The following MDGA2 variants were observed in gnomAD, a reference collection of about 807,000 sequenced individuals.
MDGA2 encodes MAM domain containing glycosylphosphatidylinositol anchor 2, also known as MAM domain-containing glycosylphosphatidylinositol anchor protein 2.
In MDGA2, 40 loss-of-function variants were observed where a neutral mutation model predicts 117.8. The ratio of observed to expected loss-of-function variants is 0.34; its 90% CI spans 0.26 to 0.44. The LOEUF (loss-of-function observed/expected upper bound fraction) is 0.44. Among genes scored for constraint, MDGA2 ranks in the 20% least tolerant of loss-of-function variants. The probability of loss-of-function intolerance (pLI) is 1.00; values close to 1 mark genes in which losing one functional copy is unlikely to be tolerated. For missense variants in MDGA2, 1,123 were observed against 1,250.6 expected, an observed-to-expected ratio of 0.90 and a Z score of 1.54; for synonymous variants, 452 against 439.0, an observed-to-expected ratio of 1.03 and a Z score of -0.37.
chr14:47,468,793 C>T (rs1893657054), intron 1 of MDGA2, among the ~76,000 whole-genome samples: 1 of 152,068 alleles, frequency 6.6e-6, no homozygotes, highest in African/African-American at 2.4e-5. Context: ...ATGCCAGGTG[C>T]ATTGCTTTTC....
chr14:47,256,463 T>C (rs887768580), intron 2 of MDGA2, among the ~76,000 whole-genome samples: 6 of 152,176 alleles, frequency 3.9e-5, no homozygotes, highest in Non-Finnish European at 8.8e-5. Context: ...TCTGCCTACA[T>C]TTCTCTGGTC....
intron 1 of MDGA2, among the ~76,000 whole-genome samples, chr14:47,584,151 G>A (rs1896278716): frequency 6.6e-6 from 1 of 151,762 alleles, no homozygotes; most frequent in African/African-American, 2.4e-5. Context: ...GTGATTCCAT[G>A]AAATTTGTTA....
chr14:47,182,844 G>T (rs903283450), intron 3 of MDGA2, among the ~76,000 whole-genome samples: 3 of 151,948 alleles, frequency 2.0e-5, no homozygotes, highest in South Asian at 2.1e-4. Context: ...GCTTTTTTGG[G>T]TTTTTTTGGG....
chr14:47,221,205 A>C (rs1426337167), intron 2 of MDGA2, among the ~76,000 whole-genome samples: 1 of 152,222 alleles, frequency 6.6e-6, no homozygotes, highest in African/African-American at 2.4e-5. Flanking sequence ...TGCAAAGCAG[A>C]GGTAACATTG....
chr14:47,141,713 TAGAG>T (rs149570542), intron 4 of MDGA2, among the ~76,000 whole-genome samples: 28,141 of 151,936 alleles, frequency 0.19, 2,802 homozygotes, highest in East Asian at 0.31. Context: ...TAGCAGTGGT[TAGAG>T]AGAGGGAGGT....
At chr14:46,848,162 A>C (rs1410092150) in intron 15 of MDGA2, among the ~76,000 whole-genome samples, 1 of 152,070 alleles carries the variant, frequency 6.6e-6, no homozygotes, top group Non-Finnish European at 1.5e-5. Flanking sequence ...AAATTTACAC[A>C]GATAAAGCTG....
intron 1 of MDGA2, among the ~76,000 whole-genome samples, chr14:47,658,578 C>A (rs934679755): frequency 2.0e-5 from 3 of 152,066 alleles, no homozygotes; most frequent in African/African-American, 7.2e-5. Flanking sequence ...TCCTGGAGGG[C>A]CAGTTCTCAA....
At chr14:47,596,870 G>C (rs1896552919) in intron 1 of MDGA2, among the ~76,000 whole-genome samples, 1 of 152,164 alleles carries the variant, frequency 6.6e-6, no homozygotes, top group South Asian at 2.1e-4. Context: ...AAATTAGTAA[G>C]TCATGGAGTC....
In MDGA2 at chr14:46,845,880, AT is replaced by A; in HGVS notation, c.2884-10del. 1 of 1,595,442 alleles carries A rather than the reference AT, an allele frequency of 6.3e-7. No homozygotes were observed. The highest frequency in any genetic ancestry group is 8.6e-7 in the Non-Finnish European group (1 of 1,163,490). On this transcript the variant is annotated splice_polypyrimidine_tract_variant and intron_variant, in intron 15 of 16. Coordinates refer to ENST00000399232, the MANE Select transcript of MDGA2 (RefSeq NM_001113498.3). Reference sequence around the variant, plus strand: ...ATACCTTCAAAAATGAGCTACAAATATGAATGAAACAAACCTAAATGTGGAG... The same window carrying A: ...ATACCTTCAAAAATGAGCTACAAATAGAATGAAACAAACCTAAATGTGGAG...
chr14:46,957,521 C>T lies in MDGA2; in HGVS notation c.1942G>A (p.Gly648Ser). The T allele has an allele frequency of 6.2e-7, 1 of 1,614,066 alleles. No individual in the cohort carries two copies. Among genetic ancestry groups the T allele is most frequent in the South Asian group, 1.1e-5 (1 of 91,082 alleles). Residue 648 changes from glycine (G) to serine (S), a missense_variant, in exon 9 of 17, where the codon GGC becomes AGC. Physicochemically the swap from Gly to Ser is moderately conservative, Grantham distance 56. Around this residue, in one of 2 missense-constraint regions of MDGA2, gnomAD observed 890 missense variants for 1,050.3 expected, o/e 0.85. Coordinates refer to ENST00000399232, the MANE Select transcript of MDGA2 (RefSeq NM_001113498.3). ...IRVLTYEWRL[G>S]NKLLRTGQFD... ...TGACCCGTCCGTAATAATTTATTGC[C>T]CAAGCGCCACTCATAGGTCAGCACC...
intron 1 of MDGA2, among the ~76,000 whole-genome samples, chr14:47,413,839 A>G (rs1473713744): frequency 6.6e-6 from 1 of 152,118 alleles, no homozygotes; most frequent in African/African-American, 2.4e-5. Flanking sequence ...GAGTTAGCTA[A>G]TCAGCCATGG....
At position 47,005,292 on chromosome 14, in the gene MDGA2, T is replaced by G. The variant is rs192849556; in HGVS notation, c.1819+29719A>C. ...CTTCTATGTCTAGTTATCTAAGAGG[T>G]TTTTGTTGTTGTTTTTGTTCTCCAG... On this transcript the variant is annotated intron_variant, in intron 8 of 16. Coordinates refer to ENST00000399232, the MANE Select transcript of MDGA2 (RefSeq NM_001113498.3). Among the ~76,000 whole-genome samples the G allele has an allele frequency of 1.0e-3, 157 of 151,676 alleles. 3 individuals are homozygous for G. Among genetic ancestry groups the G allele is most frequent in the Non-Finnish European group, 4.7e-4 (32 of 67,614 alleles).
rs1262025323 is a variant in MDGA2, at chr14:46,855,119, T to C, written c.2788A>G (p.Thr930Ala). 6.2e-7 allele frequency: 1 copy of C among 1,610,428 alleles called. No homozygotes were observed. Among genetic ancestry groups the C allele is most frequent in the Non-Finnish European group, 8.5e-7 (1 of 1,178,264 alleles). ...LNVYLRLKGQ[T>A]TIENPLWSSS... ...GACCACAGTGGATTCTCTATTGTTGTTTGCCCTTTCAAACGTAGATAAACA... is the reference window on the plus strand; with the variant it reads ...GACCACAGTGGATTCTCTATTGTTGCTTGCCCTTTCAAACGTAGATAAACA... The change falls in exon 15 of 17, where the codon ACA (threonine) becomes GCA (alanine). Residue 930 changes from threonine to alanine, a missense_variant. Coordinates refer to ENST00000399232, the MANE Select transcript of MDGA2 (RefSeq NM_001113498.3). This position sits in a 1 kb window ranked among gnomAD's most constrained non-coding sequence, Gnocchi z 4.1.
At chr14:47,629,512 G>A (rs1208759399) in intron 1 of MDGA2, among the ~76,000 whole-genome samples, 2 of 152,152 alleles carry the variant, frequency 1.3e-5, no homozygotes, top group South Asian at 2.1e-4. Flanking sequence ...CTCTGAAAAC[G>A]GGAGATCTTC....
chr14:47,638,670 T>A (rs1003061072), intron 1 of MDGA2, among the ~76,000 whole-genome samples: 4 of 152,166 alleles, frequency 2.6e-5, no homozygotes, highest in South Asian at 2.1e-4. Context: ...CTTTGCATCA[T>A]CTCCTACCCT....
intron 3 of MDGA2, among the ~76,000 whole-genome samples, chr14:47,174,985 G>A (rs1229201965): frequency 1.3e-5 from 2 of 152,122 alleles, no homozygotes; most frequent in Non-Finnish European, 2.9e-5. Context: ...CAATCCCACA[G>A]AAATACAAAC....
At chr14:47,302,140 T>A (rs932703171) in intron 1 of MDGA2, among the ~76,000 whole-genome samples, 2 of 152,188 alleles carry the variant, frequency 1.3e-5, no homozygotes, top group Admixed American at 6.5e-5. Context: ...TATACCATTG[T>A]CGCCTGAGTC....
rs1219289845 is a variant in MDGA2, at chr14:47,649,663, CA to C, written c.280+24853del. Among the ~76,000 whole-genome samples, 22 of 148,398 alleles carry C rather than the reference CA, an allele frequency of 1.5e-4. No homozygotes were observed. In the Admixed American group the frequency reaches 1.5e-3, roughly 10 times the overall value. On this transcript the variant is annotated intron_variant, in intron 1 of 16. Coordinates refer to ENST00000399232, the MANE Select transcript of MDGA2 (RefSeq NM_001113498.3). ...TCATGCCATTGCCCTCCAGCCTGGG[CA>C]ACAGAGTGAGGCTTCATCTCAAAAA...
At chr14:47,501,208 A>G (rs1894392290) in intron 1 of MDGA2, among the ~76,000 whole-genome samples, 1 of 152,174 alleles carries the variant, frequency 6.6e-6, no homozygotes. Context: ...ACTTCTTAAG[A>G]AATGATTCAG....
Sources: gnomAD v4.1 joint callset for allele counts (sites outside exome capture counted in the v4.1 genomes callset) on GRCh38, gnomAD v4.1.1 for gene constraint, gnomAD v4.1.1 regional missense constraint, Gnocchi (gnomAD v3.1) non-coding constraint, MANE v1.5 for transcripts, NCBI Gene and HGNC (gene_info 2026-07-23, HGNC 2026-07-21) for gene names.